Variants in USP9X observed in about 807,000 individuals in gnomAD.
USP9X encodes ubiquitin specific peptidase 9 X-linked.
In USP9X, 7 loss-of-function variants were observed where a neutral mutation model predicts 190.3. That is an observed-to-expected ratio of 0.04 (90% CI 0.02 to 0.07). The LOEUF (loss-of-function observed/expected upper bound fraction) is 0.07, where lower values mean the gene tolerates loss of function less well. Ranked by LOEUF, USP9X falls within the 10% of genes least tolerant of loss-of-function variation. USP9X has a pLI of 1.00. For synonymous variants in USP9X, 645 were observed against 659.5 expected (o/e 0.98, Z 0.34); for missense variants, 1,010 against 1,916.9 (o/e 0.53, Z 8.83).
chrX:41,101,260 G>T (rs914305855), intron 1 of USP9X, among the ~76,000 whole-genome samples: 5 of 110,100 alleles, frequency 4.5e-5, no homozygotes, highest in Admixed American at 1.9e-4. Context: ...GAATCTTTAG[G>T]ATTAATTGTG....
chrX:41,181,498 C>T (rs1199625725), intron 21 of USP9X, among the ~76,000 whole-genome samples: 1 of 92,920 alleles, frequency 1.1e-5, no homozygotes, highest in Non-Finnish European at 2.1e-5. Flanking sequence ...GCCCAGGCTG[C>T]AATGCAGTGG....
intron 10 of USP9X, among the ~76,000 whole-genome samples, chrX:41,144,091 G>A (rs1228519055): frequency 9.0e-6 from 1 of 111,414 alleles, no homozygotes; most frequent in Non-Finnish European, 1.9e-5. Flanking sequence ...TATTAAAATT[G>A]TCAAATTAAA....
At chrX:41,096,334 A>G (rs760417424) in intron 1 of USP9X, among the ~76,000 whole-genome samples, 9 of 112,785 alleles carry the variant, frequency 8.0e-5, no homozygotes, top group African/African-American at 2.9e-4. Flanking sequence ...GTTTAATTGT[A>G]ATTATTTCAT....
intron 41 of USP9X, among the ~76,000 whole-genome samples, chrX:41,226,614 A>G (rs925003758): frequency 5.3e-5 from 6 of 112,231 alleles, no homozygotes; most frequent in African/African-American, 1.9e-4. Flanking sequence ...AATTATCTCC[A>G]AATTTACCAT....
chrX:41,216,233 G>T lies in USP9X; in HGVS notation c.5666G>T (p.Gly1889Val). 1 of 1,211,606 alleles carries T rather than the reference G, an allele frequency of 8.3e-7. No individual in the cohort carries two copies. The highest frequency in any genetic ancestry group is 1.1e-6 in the Non-Finnish European group (1 of 895,505). The change falls in exon 35 of 45, where the codon GGT becomes GTT. Residue 1889 changes from glycine (G) to valine (V), a missense_variant. Around this residue, in one of 11 missense-constraint regions of USP9X, gnomAD observed 120 missense variants for 342.7 expected, o/e 0.35. Coordinates refer to ENST00000378308, the MANE Select transcript of USP9X (RefSeq NM_001039591.3). ...HYYSYIIQRN[G>V]GDGERNRWYK... is the part of the protein sequence containing the mutation. ...TATTCTTACATCATCCAAAGGAATG[G>T]TGGAGATGGTGAGAGAAATCGCTGG... is the stretch of plus-strand genomic sequence containing the variant.
At chrX:41,152,265 C>T (rs1161224124) in intron 13 of USP9X, among the ~76,000 whole-genome samples, 1 of 111,860 alleles carries the variant, frequency 8.9e-6, no homozygotes, top group African/African-American at 3.3e-5. Flanking sequence ...GTATGTTTGG[C>T]TCATCGTACA....
intron 23 of USP9X, 80 bp downstream of exon 23, chrX:41,184,755 A>G (rs865873772): frequency 1.1e-6 from 1 of 881,567 alleles, no homozygotes. Context: ...TTTTAAGTGT[A>G]GAGTTCAAGG....
chrX:41,143,586 A>G (rs1250175174), intron 10 of USP9X, 143 bp downstream of exon 10: 2 of 418,471 alleles, frequency 4.8e-6, no homozygotes, highest in East Asian at 8.8e-5. Flanking sequence ...CCTGCCAGGA[A>G]TCTTTTTGAA....
At chrX:41,107,194 T>C (rs978321726) in intron 1 of USP9X, among the ~76,000 whole-genome samples, 1 of 109,374 alleles carries the variant, frequency 9.1e-6, no homozygotes, top group African/African-American at 3.3e-5. Context: ...AATTTTTGTA[T>C]TTTTAGTAAG....
intron 14 of USP9X, among the ~76,000 whole-genome samples, chrX:41,155,980 C>T (rs2062575026): frequency 8.9e-6 from 1 of 111,770 alleles, no homozygotes; most frequent in South Asian, 3.7e-4. Flanking sequence ...TATGAAAATA[C>T]TCATGTAGAC....
intron 5 of USP9X, among the ~76,000 whole-genome samples, chrX:41,135,111 T>C (rs1387983401): frequency 9.0e-6 from 1 of 111,589 alleles, no homozygotes; most frequent in Non-Finnish European, 1.9e-5. Context: ...CACATTTCAT[T>C]GAAAATGTAA....
In USP9X at chrX:41,189,344, A is replaced by T; in HGVS notation, c.3846A>T (p.Glu1282Asp). The part of the protein sequence containing the change: ...NAGNEPDLED[E>D]QVCCEALEVM... ...GCAATGAGCCAGACTTGGAAGACGA[A>T]CAGGTTTGCTGTGAAGCATTGGAAG... Residue 1282 changes from glutamate (E) to aspartate (D), a missense_variant, in exon 26 of 45, where the codon GAA becomes GAT. Physicochemically the swap from Glu to Asp is conservative, Grantham distance 45. Coordinates refer to ENST00000378308, the MANE Select transcript of USP9X (RefSeq NM_001039591.3). The T allele has an allele frequency of 8.3e-7, 1 of 1,211,262 alleles. No homozygotes were observed. The highest frequency in any genetic ancestry group is 1.8e-5 in the South Asian group (1 of 56,821).
At chrX:41,199,287 A>G (rs2063019032) in intron 30 of USP9X, among the ~76,000 whole-genome samples, 2 of 113,071 alleles carry the variant, frequency 1.8e-5, no homozygotes, top group East Asian at 2.8e-4. Flanking sequence ...GTGGCATCCT[A>G]TAAGTGGTGT....
At chrX:41,194,389 T>C (rs2062964220) in intron 26 of USP9X, among the ~76,000 whole-genome samples, 1 of 110,979 alleles carries the variant, frequency 9.0e-6, no homozygotes, top group East Asian at 2.8e-4. Context: ...ACGCCGTCTC[T>C]ACTAAAAATA....
At position 41,129,020 on chromosome X, in the gene USP9X, C is replaced by G; in HGVS notation, c.117C>G (p.Ser39=). Residue 39 remains serine, a synonymous_variant, in exon 3 of 45, where the codon TCC becomes TCG. Transcript: ENST00000378308. ...TTAAGACTTCATCGCCTGATTCTTC[C>G]AATGAAAATTCCCCGGCAACTCCCC... ...QQNQTSSPDS[S]NENSPATPPD... 1 of 1,209,837 alleles carries G rather than the reference C, an allele frequency of 8.3e-7. No homozygotes were observed. Among genetic ancestry groups the G allele is most frequent in the Non-Finnish European group, 1.1e-6 (1 of 894,669 alleles).
intron 41 of USP9X, among the ~76,000 whole-genome samples, chrX:41,226,297 G>A: frequency 9.0e-6 from 1 of 111,414 alleles, no homozygotes. Flanking sequence ...TTGTTTTTGG[G>A]GGTTTTTTTG....
chrX:41,152,546 A>C (rs2062537882), intron 13 of USP9X, among the ~76,000 whole-genome samples: 1 of 112,024 alleles, frequency 8.9e-6, no homozygotes, highest in African/African-American at 3.2e-5. Flanking sequence ...AGAAAATGCT[A>C]AGAGCATTTT....
At chrX:41,161,636 T>C (rs1249592343) in intron 14 of USP9X, among the ~76,000 whole-genome samples, 1 of 39,442 alleles carries the variant, frequency 2.5e-5, no homozygotes, top group Non-Finnish European at 4.9e-5. Context: ...GCGCCCTGCC[T>C]TTTTTTTTTT....
chrX:41,230,446 A>T, intron 43 of USP9X, 55 bp from the exon 44 acceptor site: 4 of 1,088,684 alleles, frequency 3.7e-6, no homozygotes, highest in Non-Finnish European at 5.1e-6. Context: ...GAAAAAGTTA[A>T]AAGTAAACTT....
Sources: gnomAD v4.1 joint callset for allele counts (sites outside exome capture counted in the v4.1 genomes callset) on GRCh38, gnomAD v4.1.1 for gene constraint, gnomAD v4.1.1 regional missense constraint, MANE v1.5 for transcripts, NCBI Gene and HGNC (gene_info 2026-07-23, HGNC 2026-07-21) for gene names.